BMP5: variants seen among roughly 807,000 people sequenced by gnomAD.
The protein encoded by BMP5 is bone morphogenetic protein 5.
In BMP5, 23 loss-of-function variants were observed where a neutral mutation model predicts 46.6. That is an observed-to-expected ratio of 0.49 (90% CI 0.35 to 0.70). BMP5 has a LOEUF of 0.70. BMP5 is among the 30% of genes least tolerant of loss of function. BMP5 has a pLI of 0.00. For missense variants in BMP5, 545 were observed against 565.6 expected (o/e 0.96, Z 0.37); for synonymous variants, 204 against 191.9 (o/e 1.06, Z -0.52).
At position 55,853,539 on chromosome 6, in the gene BMP5, T is replaced by C. The variant is rs1777307531; in HGVS notation, c.490+20837A>G. Among the ~76,000 whole-genome samples the C allele has an allele frequency of 2.0e-5, 3 of 152,194 alleles. No individual in the cohort carries two copies. The South Asian group carries it at 6.2e-4, about 32-fold the overall frequency. On this transcript the variant is annotated intron_variant, in intron 1 of 6. Transcript: ENST00000370830. The stretch of plus-strand genomic sequence containing the variant: ...AAACAGTAATACAACCAACTATTAG[T>C]CATTCTGCTTTTTATTATCCCCATG...
intron 4 of BMP5, among the ~76,000 whole-genome samples, chr6:55,764,657 C>T (rs228143): frequency 0.42 from 62,371 of 147,630 alleles, 13,439 homozygotes; most frequent in East Asian, 0.57. Context: ...TGGAAGATGT[C>T]AAGTGAGATA....
At chr6:55,863,502 G>T (rs1168143087) in intron 1 of BMP5, among the ~76,000 whole-genome samples, 1 of 152,030 alleles carries the variant, frequency 6.6e-6, no homozygotes, top group Non-Finnish European at 1.5e-5. Context: ...ATTAAGATGT[G>T]GATAAATTGA....
intron 2 of BMP5, among the ~76,000 whole-genome samples, chr6:55,814,015 C>G (rs1776198203): frequency 6.6e-6 from 1 of 152,072 alleles, no homozygotes; most frequent in Non-Finnish European, 1.5e-5. Context: ...CCCCATACTT[C>G]TCAAATGTAT....
chr6:55,760,328 C>A, intron 5 of BMP5, 129 bp downstream of exon 5: 2 of 790,350 alleles, frequency 2.5e-6, no homozygotes, highest in Non-Finnish European at 4.3e-6. Flanking sequence ...AGTGAATAAG[C>A]CATATTCTAA....
At chr6:55,865,317 A>T (rs1777613973) in intron 1 of BMP5, 2 of 423,670 alleles carry the variant, frequency 4.7e-6, no homozygotes, top group South Asian at 3.4e-5. Flanking sequence ...TTGGCTTCTA[A>T]TTAGTTTCCC....
intron 2 of BMP5, among the ~76,000 whole-genome samples, chr6:55,806,690 C>T (rs1775998444): frequency 1.3e-5 from 2 of 152,080 alleles, no homozygotes; most frequent in African/African-American, 4.8e-5. Flanking sequence ...ATTGATTCTT[C>T]CTATCCACAA....
At chr6:55,776,773 T>A (rs561106010) in intron 3 of BMP5, among the ~76,000 whole-genome samples, 5 of 151,984 alleles carry the variant, frequency 3.3e-5, no homozygotes, top group African/African-American at 1.2e-4. Context: ...TATAGTTAAA[T>A]AAGCACTTAA....
Position 55,759,008 on chromosome 6 carries a change from A to T in BMP5, c.1212T>A (p.Thr404=). Residue 404 remains threonine (T), a synonymous_variant, in exon 6 of 7, where the codon ACT becomes ACA. Transcript: ENST00000370830. ...MNATNHAIVQ[T]LVHLMFPDHV... ...ATCCTTCAAAAACAAAGCTTACCAG[A>T]GTCTGAACTATAGCGTGGTTGGTGG... The T allele has an allele frequency of 6.3e-7, 1 of 1,592,888 alleles. No individual in the cohort carries two copies. Among genetic ancestry groups the T allele is most frequent in the Non-Finnish European group, 8.6e-7 (1 of 1,161,220 alleles).
intron 2 of BMP5, among the ~76,000 whole-genome samples, chr6:55,812,670 A>C (rs538082932): frequency 6.1e-4 from 93 of 152,314 alleles, no homozygotes; most frequent in African/African-American, 2.2e-3. Context: ...TGAAAATACG[A>C]AGTAGATAAA....
chr6:55,868,571 A>G (rs1562079819), intron 1 of BMP5, among the ~76,000 whole-genome samples: 1 of 94,950 alleles, frequency 1.1e-5, no homozygotes, highest in African/African-American at 8.3e-5. Flanking sequence ...CTAATCTACA[A>G]ATAGTATTTT....
In BMP5 at chr6:55,849,438, T is replaced by C. The variant is rs533503598; in HGVS notation, c.490+24938A>G. Among the ~76,000 whole-genome samples, 23 of 152,164 alleles carry C rather than the reference T, an allele frequency of 1.5e-4. No homozygotes were observed. The East Asian group carries it at 3.9e-3, about 26-fold the overall frequency. On this transcript the variant is annotated intron_variant, in intron 1 of 6. Transcript: ENST00000370830. The stretch of plus-strand genomic sequence containing the variant: ...ATAAGATGATTGAGGAAGAAATCTC[T>C]GAAAAACTGGCAATTTACTAACATG...
chr6:55,779,711 T>C (rs1235882237), intron 3 of BMP5, among the ~76,000 whole-genome samples: 1 of 152,064 alleles, frequency 6.6e-6, no homozygotes. Flanking sequence ...GCTACAAATT[T>C]CAACTTTGTT....
At chr6:55,869,592 C>T (rs1033047226) in intron 1 of BMP5, among the ~76,000 whole-genome samples, 4 of 152,008 alleles carry the variant, frequency 2.6e-5, no homozygotes, top group Admixed American at 6.6e-5. Context: ...TATTTTTGTT[C>T]ATTGTTGATT....
chr6:55,773,036 G>T, intron 4 of BMP5: 1 of 508,824 alleles, frequency 2.0e-6, no homozygotes, highest in Non-Finnish European at 2.5e-6. Context: ...GAAAAATGAA[G>T]ATTTTAGGAA....
chr6:55,855,478 T>C (rs1441329477), intron 1 of BMP5, among the ~76,000 whole-genome samples: 1 of 152,156 alleles, frequency 6.6e-6, no homozygotes. Context: ...ATTTATACTA[T>C]GTTATTTCTC....
intron 2 of BMP5, among the ~76,000 whole-genome samples, chr6:55,815,913 G>T (rs1334174710): frequency 1.3e-5 from 2 of 151,952 alleles, no homozygotes; most frequent in African/African-American, 4.8e-5. Context: ...AAAATAGAAA[G>T]GTGAAAGTAA....
intron 1 of BMP5, among the ~76,000 whole-genome samples, chr6:55,834,596 T>C (rs1392205849): frequency 3.3e-5 from 5 of 152,176 alleles, no homozygotes; most frequent in Admixed American, 3.3e-4. Context: ...ACTATCATTT[T>C]ATTAAACTTT....
rs749530987 is a variant in BMP5 at position 55,874,853 on chromosome 6, C to T, written c.13G>A (p.Val5Ile). The T allele has an allele frequency of 2.5e-6, 4 of 1,612,532 alleles. No individual in the cohort carries two copies. The highest frequency in any genetic ancestry group is 3.3e-5 in the Admixed American group (2 of 59,856). The change falls in exon 1 of 7, where the codon GTA becomes ATA. Residue 5 changes from valine (V) to isoleucine (I), a missense_variant. Val to Ile is a conservative substitution (Grantham distance 29). Transcript: ENST00000370830. MHLT[V>I]FLLKGIVGFL... Reference sequence around the variant, plus strand: ...CCCACAATACCCTTAAGTAAAAATACAGTCAGATGCATTTTTGTCCAAAAG... The same window carrying T: ...CCCACAATACCCTTAAGTAAAAATATAGTCAGATGCATTTTTGTCCAAAAG...
At chr6:55,799,427 G>C (rs1382880591) in intron 2 of BMP5, among the ~76,000 whole-genome samples, 1 of 152,178 alleles carries the variant, frequency 6.6e-6, no homozygotes, top group Non-Finnish European at 1.5e-5. Flanking sequence ...AAAGGAGAAG[G>C]AGGAGGTAGA....
Sources: allele counts gnomAD v4.1 joint callset (sites outside exome capture counted in the v4.1 genomes callset), GRCh38; gene constraint gnomAD v4.1.1; transcripts MANE v1.5; gene names NCBI Gene and HGNC (gene_info 2026-07-23, HGNC 2026-07-21).